Variants in EIF3J observed in about 807,000 individuals in gnomAD.
The protein encoded by EIF3J is eukaryotic translation initiation factor 3 subunit J, also known as eukaryotic translation initiation factor 3, subunit 1 (alpha, 35kD).
In EIF3J, 15 loss-of-function variants were observed where a neutral mutation model predicts 39.0. That is an observed-to-expected ratio of 0.38 (90% CI 0.26 to 0.59). The LOEUF is 0.59. EIF3J is among the 20% of genes least tolerant of loss of function. EIF3J has a pLI of 0.60. For missense variants in EIF3J, 226 were observed against 308.6 expected (o/e 0.73, Z 2.00); for synonymous variants, 98 against 112.9 (o/e 0.87, Z 0.84).
At chr15:44,560,975 A>G (rs1255745675) in intron 7 of EIF3J, 43 bp from the exon 8 acceptor site, 1 of 1,605,346 alleles carries the variant, frequency 6.2e-7, no homozygotes, top group Non-Finnish European at 8.5e-7. Flanking sequence ...TAAGATGCCC[A>G]TAGCACACTA....
chr15:44,551,204 C>A (rs2082096086), intron 3 of EIF3J, among the ~76,000 whole-genome samples: 1 of 152,052 alleles, frequency 6.6e-6, no homozygotes, highest in Admixed American at 6.6e-5. Flanking sequence ...ATGATCTAAG[C>A]CCTGCCTATA....
In EIF3J at chr15:44,537,200, G is replaced by C; in HGVS notation, c.6G>C (p.Ala2=). 1 of 1,601,326 alleles carries C rather than the reference G, an allele frequency of 6.2e-7. No homozygotes were observed. Among genetic ancestry groups the C allele is most frequent in the South Asian group, 1.1e-5 (1 of 90,208 alleles). ...ACGCTCACACCCGGCTCGAGATGGC[G>C]GCGGCGGCGGCGGCGGCGGGGGACT... The part of the protein sequence containing the change: M[A]AAAAAAGDSD... Residue 2 remains alanine, a synonymous_variant, in exon 1 of 8, where the codon GCG becomes GCC. Coordinates refer to ENST00000261868, the MANE Select transcript of EIF3J (RefSeq NM_003758.4).
chr15:44,554,526 T>G, intron 4 of EIF3J, 27 bp from the exon 5 acceptor site: 2 of 1,514,068 alleles, frequency 1.3e-6, no homozygotes, highest in Non-Finnish European at 1.8e-6. Flanking sequence ...ATCCCTGTGC[T>G]TTTTAAAAAC....
chr15:44,541,308 T>G (rs1018654034), intron 2 of EIF3J, among the ~76,000 whole-genome samples: 2 of 152,222 alleles, frequency 1.3e-5, no homozygotes, highest in Non-Finnish European at 2.9e-5. Context: ...TCTCCTAGCA[T>G]TTCAGTAGAA....
chr15:44,561,344 A>T lies in EIF3J; in HGVS notation c.*195A>T. 2.0e-6 allele frequency: 1 copy of T among 505,312 alleles called. No homozygotes were observed. Among genetic ancestry groups the T allele is most frequent in the Non-Finnish European group, 3.3e-6 (1 of 306,306 alleles). The allele number at this position is 505,312 out of a possible 1,614,324, so 31.3% of individuals were successfully genotyped here. A position where few individuals can be genotyped will look rare whatever the true frequency, so the allele number is the denominator to read the frequency against. On this transcript the variant is annotated 3_prime_UTR_variant, in exon 8 of 8. Transcript: ENST00000261868. ...CTTGGATCTTGCTGCCAAGGGGTTA[A>T]AATTGGGAACCTAAGTTGCTACTAA...
chr15:44,555,783 T>TA (rs773004206), intron 5 of EIF3J, among the ~76,000 whole-genome samples: 15 of 152,238 alleles, frequency 9.9e-5, no homozygotes, highest in Admixed American at 7.2e-4. Context: ...AAATACCACA[T>TA]GTAATATTGT....
Position 44,562,800 on chromosome 15 carries a change from G to A in EIF3J, c.*1651G>A. 1 of 251,988 alleles carries A rather than the reference G, an allele frequency of 4.0e-6. No individual in the cohort carries two copies. The highest frequency in any genetic ancestry group is 7.7e-6 in the Non-Finnish European group (1 of 129,284). 15.6% of individuals were successfully genotyped at this position (251,988 alleles called of 1,614,324 possible). ...ATAATAATTAAATTTCTTTGAAACT[G>A]GAATCTGCAGGTACAGGTATTCTTT... On this transcript the variant is annotated 3_prime_UTR_variant, in exon 8 of 8. Transcript: ENST00000261868.
In EIF3J at chr15:44,546,816, CTTTTTTT is replaced by C. The variant is rs1160471321; in HGVS notation, c.148-4038_148-4032del. Among the ~76,000 whole-genome samples the C allele has an allele frequency of 1.0e-2, 788 of 78,908 alleles. 15 individuals are homozygous for C. Among genetic ancestry groups the C allele is most frequent in the African/African-American group, 0.039 (762 of 19,604 alleles). 51.8% of individuals were successfully genotyped at this position (78,908 alleles called of 152,430 possible). A position where few individuals can be genotyped will look rare whatever the true frequency, so the allele number is the denominator to read the frequency against. On this transcript the variant is annotated intron_variant, in intron 2 of 7. Transcript: ENST00000261868. The stretch of plus-strand genomic sequence containing the variant: ...GGCATAGAAAAAACAGAGTATAGAT[CTTTTTTT>C]TTTTTTTTTTTTTTTTTTTTTGAGA...
chr15:44,537,372 G>A lies in EIF3J; in HGVS notation c.92G>A (p.Gly31Asp), dbSNP rs758540236. ...VEDPVRKVGG[G>D]GTAGGDRWEG... ...GACCCAGTGCGGAAGGTGGGGGGCG[G>A]CGGCACTGCCGGCGGGGACCGCTGG... Residue 31 changes from glycine to aspartate, a missense_variant, in exon 2 of 8, where the codon GGC becomes GAC. Gly to Asp is a moderately conservative substitution (Grantham distance 94). Coordinates refer to ENST00000261868, the MANE Select transcript of EIF3J (RefSeq NM_003758.4). 1.3e-6 allele frequency: 2 copies of A among 1,569,154 alleles called. No individual in the cohort carries two copies. Among genetic ancestry groups the A allele is most frequent in the Non-Finnish European group, 1.7e-6 (2 of 1,156,808 alleles).
chr15:44,543,069 T>C (rs1276954088), intron 2 of EIF3J, among the ~76,000 whole-genome samples: 2 of 152,230 alleles, frequency 1.3e-5, no homozygotes, highest in African/African-American at 4.8e-5. Context: ...TTCTAATGTT[T>C]ACAAAAAATT....
At chr15:44,560,448 T>TA in intron 7 of EIF3J, 126 bp downstream of exon 7, 2 of 838,652 alleles carry the variant, frequency 2.4e-6, no homozygotes, top group Non-Finnish European at 3.7e-6. Context: ...CCATTTAAGT[T>TA]AGACTAGAAG....
At chr15:44,547,165 C>CG (rs982226742) in intron 2 of EIF3J, among the ~76,000 whole-genome samples, 34 of 148,696 alleles carry the variant, frequency 2.3e-4, no homozygotes, top group Admixed American at 1.6e-3. Context: ...TTTTGTGAGA[C>CG]GGAGTTTCAT....
At chr15:44,542,180 T>G (rs904946774) in intron 2 of EIF3J, among the ~76,000 whole-genome samples, 3 of 152,214 alleles carry the variant, frequency 2.0e-5, no homozygotes, top group South Asian at 2.1e-4. Context: ...GCACCTTGGC[T>G]TCTAGGCACC....
chr15:44,537,286 C>G, intron 1 of EIF3J, 38 bp from the exon 2 acceptor site: 4 of 1,564,366 alleles, frequency 2.6e-6, no homozygotes, highest in Non-Finnish European at 3.5e-6. Flanking sequence ...CGGCCCCACG[C>G]AGTGGCAGGC....
At chr15:44,546,069 A>G (rs183243403) in intron 2 of EIF3J, among the ~76,000 whole-genome samples, 2 of 152,340 alleles carry the variant, frequency 1.3e-5, no homozygotes, top group East Asian at 3.9e-4. Flanking sequence ...TCACAGATCC[A>G]GCCTTCCTGT....
intron 5 of EIF3J, 41 bp downstream of exon 5, chr15:44,554,708 AC>A: frequency 7.7e-7 from 1 of 1,298,210 alleles, no homozygotes; most frequent in South Asian, 1.4e-5. Flanking sequence ...TTAAACTGTT[AC>A]AGGTGAAGAC....
chr15:44,543,763 T>C (rs911464029), intron 2 of EIF3J, among the ~76,000 whole-genome samples: 3 of 152,148 alleles, frequency 2.0e-5, no homozygotes, highest in Non-Finnish European at 4.4e-5. Flanking sequence ...GTAGGGAATG[T>C]CTAGGTAGCT....
rs762677120 is a variant in EIF3J, at chr15:44,560,981, C to A, written c.646-37C>A. The A allele has an allele frequency of 1.8e-5, 29 of 1,607,706 alleles. No individual in the cohort carries two copies. The South Asian group carries it at 3.2e-4, about 18-fold the overall frequency. The stretch of plus-strand genomic sequence containing the variant: ...TGTACCAGATAAGATGCCCATAGCA[C>A]ACTAAGGTTCATGAATTAACTCTCT... On this transcript the variant is annotated intron_variant, in intron 7 of 7. Transcript: ENST00000261868.
At chr15:44,541,115 C>T (rs1335758561) in intron 2 of EIF3J, among the ~76,000 whole-genome samples, 1 of 152,174 alleles carries the variant, frequency 6.6e-6, no homozygotes, top group Non-Finnish European at 1.5e-5. Flanking sequence ...TTTCCCATCA[C>T]CCTGGCTTTA....
Sources: gnomAD v4.1 joint callset for allele counts (sites outside exome capture counted in the v4.1 genomes callset) on GRCh38, gnomAD v4.1.1 for gene constraint, MANE v1.5 for transcripts, NCBI Gene and HGNC (gene_info 2026-07-23, HGNC 2026-07-21) for gene names.